The following SIPA1L1 variants were observed in gnomAD, a reference collection of about 807,000 sequenced individuals.
SIPA1L1 encodes signal-induced proliferation-associated 1-like protein 1.
SIPA1L1 carries 26 observed loss-of-function variants against 162.7 expected under a neutral mutation model. The observed-to-expected ratio is 0.16, with a 90% CI of 0.12 to 0.22. The LOEUF (loss-of-function observed/expected upper bound fraction) is 0.22. SIPA1L1 is among the 10% of genes least tolerant of loss of function. SIPA1L1 has a pLI of 1.00. For synonymous variants in SIPA1L1, 829 were observed against 837.4 expected, an observed-to-expected ratio of 0.99 and a Z score of 0.17; for missense variants, 1,874 against 2,241.0, an observed-to-expected ratio of 0.84 and a Z score of 3.31.
chr14:71,721,584 G>A (rs1447932857), intron 17 of SIPA1L1, among the ~76,000 whole-genome samples: 1 of 152,232 alleles, frequency 6.6e-6, no homozygotes, highest in Non-Finnish European at 1.5e-5. Context: ...CAAAGTTCTG[G>A]AATCGAGGGC....
At chr14:71,472,977 C>T (rs1384724023) in intron 2 of SIPA1L1, among the ~76,000 whole-genome samples, 1 of 151,804 alleles carries the variant, frequency 6.6e-6, no homozygotes, top group African/African-American at 2.4e-5. Context: ...TTCTGAGTAG[C>T]TGGGACTATA....
chr14:71,338,950 G>C (rs1469308992), intron 2 of SIPA1L1, among the ~76,000 whole-genome samples: 1 of 152,076 alleles, frequency 6.6e-6, no homozygotes, highest in Non-Finnish European at 1.5e-5. Flanking sequence ...ATGTTGGCCA[G>C]GCTGGTCTTG....
intron 2 of SIPA1L1, among the ~76,000 whole-genome samples, chr14:71,495,522 CTT>C (rs1360888867): frequency 3.3e-5 from 5 of 151,496 alleles, no homozygotes; most frequent in African/African-American, 1.2e-4. Context: ...GGATAATTTT[CTT>C]TTTTTCTTGG....
At chr14:71,331,016 C>T (rs983966259) in intron 2 of SIPA1L1, among the ~76,000 whole-genome samples, 1 of 152,172 alleles carries the variant, frequency 6.6e-6, no homozygotes, top group Non-Finnish European at 1.5e-5. Flanking sequence ...ATATTTTCTT[C>T]TGGAAGTTTT....
intron 10 of SIPA1L1, among the ~76,000 whole-genome samples, chr14:71,669,492 T>G (rs976308097): frequency 2.0e-5 from 3 of 152,236 alleles, no homozygotes; most frequent in African/African-American, 7.2e-5. Context: ...TATTAAATAT[T>G]TCTGGATTCT....
chr14:71,359,150 A>G (rs1279236193), intron 2 of SIPA1L1, among the ~76,000 whole-genome samples: 1 of 152,180 alleles, frequency 6.6e-6, no homozygotes, highest in African/African-American at 2.4e-5. Flanking sequence ...AGGTAACTGA[A>G]TCATTGGGGC....
intron 2 of SIPA1L1, among the ~76,000 whole-genome samples, chr14:71,491,813 C>T (rs1053397336): frequency 2.7e-5 from 4 of 147,790 alleles, no homozygotes; most frequent in African/African-American, 7.5e-5. Context: ...CACACACACA[C>T]CCCTTCCCCC....
At chr14:71,721,358 C>G (rs1335217770) in intron 17 of SIPA1L1, among the ~76,000 whole-genome samples, 1 of 152,214 alleles carries the variant, frequency 6.6e-6, no homozygotes, top group Non-Finnish European at 1.5e-5. Context: ...CCATGGCCAC[C>G]ACAGCTGGCA....
intron 7 of SIPA1L1, among the ~76,000 whole-genome samples, chr14:71,633,677 C>T (rs1320629242): frequency 1.3e-5 from 2 of 152,086 alleles, no homozygotes; most frequent in African/African-American, 2.4e-5. Context: ...TAAGGTACTT[C>T]AATGGGCTAG....
intron 1 of SIPA1L1, among the ~76,000 whole-genome samples, chr14:71,320,795 T>C (rs1430207143): frequency 1.4e-4 from 21 of 151,426 alleles, no homozygotes; most frequent in Admixed American, 1.2e-3. Flanking sequence ...CAGTTCTTTC[T>C]GCTGGCGGGC....
intron 2 of SIPA1L1, among the ~76,000 whole-genome samples, chr14:71,380,446 T>C (rs2039796742): frequency 6.6e-6 from 1 of 152,206 alleles, no homozygotes; most frequent in African/African-American, 2.4e-5. Flanking sequence ...AATTGCTCCA[T>C]GTTCAGTCTG....
chr14:71,397,698 C>A (rs764160480), intron 2 of SIPA1L1, among the ~76,000 whole-genome samples: 1 of 152,194 alleles, frequency 6.6e-6, no homozygotes, highest in Non-Finnish European at 1.5e-5. Context: ...TCTCCTTGCC[C>A]TTCTAGTTGC....
intron 2 of SIPA1L1, among the ~76,000 whole-genome samples, chr14:71,395,702 A>G (rs1224885708): frequency 6.6e-6 from 1 of 152,136 alleles, no homozygotes; most frequent in Non-Finnish European, 1.5e-5. Context: ...CCACACTAGG[A>G]TTCTTTTCAC....
At position 71,588,079 on chromosome 14, in the gene SIPA1L1, C is replaced by T. The variant is rs376337433; in HGVS notation, c.207C>T (p.Pro69=). ...SEGSHHITST[P]GVPKMGVRAR... ...GTTCTCACCATATAACCTCAACCCC[C>T]GGAGTCCCAAAAATGGGGGTAAGGG... Residue 69 remains proline (P), a synonymous_variant, in exon 5 of 24, where the codon CCC becomes CCT. Transcript: ENST00000381232. This position sits in a 1 kb window ranked among gnomAD's most constrained non-coding sequence, Gnocchi z 4.3. The T allele has an allele frequency of 3.3e-5, 54 of 1,613,990 alleles. No homozygotes were observed. Among genetic ancestry groups the T allele is most frequent in the East Asian group, 1.8e-4 (8 of 44,892 alleles).
At chr14:71,709,772 C>T (rs2150001267) in intron 17 of SIPA1L1, 108 bp downstream of exon 17, 1 of 848,298 alleles carries the variant, frequency 1.2e-6, no homozygotes, top group East Asian at 2.7e-5. Flanking sequence ...GGAGGTTTTT[C>T]TGCAGTGACA....
intron 12 of SIPA1L1, among the ~76,000 whole-genome samples, chr14:71,674,797 C>T (rs527878755): frequency 6.6e-6 from 1 of 151,744 alleles, no homozygotes; most frequent in South Asian, 2.1e-4. Flanking sequence ...ATCTCCTGAC[C>T]TCGTGATCCG....
At chr14:71,610,749 T>A (rs2038117551) in intron 5 of SIPA1L1, among the ~76,000 whole-genome samples, 1 of 152,222 alleles carries the variant, frequency 6.6e-6, no homozygotes, top group Non-Finnish European at 1.5e-5. Context: ...TTTATTAATA[T>A]CAACATAACT....
At chr14:71,424,337 C>G (rs914416061) in intron 2 of SIPA1L1, among the ~76,000 whole-genome samples, 1 of 152,060 alleles carries the variant, frequency 6.6e-6, no homozygotes, top group African/African-American at 2.4e-5. Context: ...AGCATGCATT[C>G]TTGCCTTGTT....
chr14:71,328,717 G>C (rs2034132954), intron 2 of SIPA1L1, among the ~76,000 whole-genome samples: 1 of 152,212 alleles, frequency 6.6e-6, no homozygotes, highest in Non-Finnish European at 1.5e-5. Context: ...TTAGACTCCT[G>C]CAGTGGAGAT....
Sources: allele counts gnomAD v4.1 joint callset (sites outside exome capture counted in the v4.1 genomes callset), GRCh38; gene constraint gnomAD v4.1.1; non-coding constraint Gnocchi (gnomAD v3.1); transcripts MANE v1.5; gene names NCBI Gene and HGNC (gene_info 2026-07-23, HGNC 2026-07-21).